The following STK10 variants were observed in gnomAD, a reference collection of about 807,000 sequenced individuals.
The protein encoded by STK10 is serine/threonine kinase 10, also known as serine/threonine-protein kinase 10.
Under a neutral mutation model 113.8 loss-of-function variants are expected in STK10, and 78 were observed. The observed-to-expected ratio is 0.69, with a 90% CI of 0.57 to 0.83. The LOEUF is 0.83. Among genes scored for constraint, STK10 ranks in the 40% least tolerant of loss-of-function variants. STK10 has a pLI of 0.00. For missense variants in STK10, 1,109 were observed against 1,280.1 expected (o/e 0.87, Z 2.04); for synonymous variants, 465 against 494.7 (o/e 0.94, Z 0.80).
chr5:172,185,524 C>A (rs1375119356), intron 1 of STK10, among the ~76,000 whole-genome samples: 1 of 152,222 alleles, frequency 6.6e-6, no homozygotes, highest in Non-Finnish European at 1.5e-5. Context: ...GCTTCAGCCT[C>A]CCAAAGTGCT....
At chr5:172,162,902 G>C (rs1399000865) in intron 1 of STK10, among the ~76,000 whole-genome samples, 1 of 152,186 alleles carries the variant, frequency 6.6e-6, no homozygotes, top group East Asian at 1.9e-4. Flanking sequence ...CATCCTGAAA[G>C]GCAGCACTGA....
intron 4 of STK10, among the ~76,000 whole-genome samples, chr5:172,108,920 C>T (rs973065765): frequency 6.6e-6 from 1 of 151,874 alleles, no homozygotes; most frequent in African/African-American, 2.4e-5. Context: ...AAGTAGATGA[C>T]ATTACAGGCA....
intron 1 of STK10, among the ~76,000 whole-genome samples, chr5:172,174,193 C>T (rs145040848): frequency 1.9e-4 from 29 of 151,946 alleles, no homozygotes; most frequent in Admixed American, 1.0e-3. Flanking sequence ...TTTTTTGAGA[C>T]GGCGTTTCAC....
At chr5:172,094,754 C>T (rs1043445424) in intron 8 of STK10, among the ~76,000 whole-genome samples, 1 of 152,160 alleles carries the variant, frequency 6.6e-6, no homozygotes, top group African/African-American at 2.4e-5. Context: ...TTTTAGGTGG[C>T]AACTAACTCA....
intron 18 of STK10, chr5:172,045,489 CAAAAACAA>C: frequency 4.5e-6 from 2 of 445,418 alleles, no homozygotes; most frequent in Non-Finnish European, 8.9e-6. Context: ...ATCTCAAAAA[CAAAAACAA>C]AAACAAAAAC....
chr5:172,146,799 C>T (rs1770096351), intron 2 of STK10, among the ~76,000 whole-genome samples: 1 of 152,252 alleles, frequency 6.6e-6, no homozygotes, highest in South Asian at 2.1e-4. Flanking sequence ...TCTGTTCTCA[C>T]ACCACAATCA....
intron 10 of STK10, among the ~76,000 whole-genome samples, chr5:172,085,811 C>T (rs1768545378): frequency 6.6e-6 from 1 of 152,146 alleles, no homozygotes; most frequent in African/African-American, 2.4e-5. Flanking sequence ...TCCTGGCGGC[C>T]TCTCAGGGTT....
At chr5:172,113,017 G>A (rs1302929286) in intron 4 of STK10, among the ~76,000 whole-genome samples, 1 of 152,200 alleles carries the variant, frequency 6.6e-6, no homozygotes, top group Non-Finnish European at 1.5e-5. Context: ...CAAAGTGCTA[G>A]GATTACAGGC....
At chr5:172,107,903 A>G in intron 4 of STK10, 51 bp from the exon 5 acceptor site, 1 of 1,568,920 alleles carries the variant, frequency 6.4e-7, no homozygotes, top group Non-Finnish European at 8.8e-7. Context: ...CCTGGGGTAA[A>G]AGCCGGGGAT....
chr5:172,110,059 C>T (rs926888163), intron 4 of STK10, among the ~76,000 whole-genome samples: 1 of 152,256 alleles, frequency 6.6e-6, no homozygotes, highest in African/African-American at 2.4e-5. Context: ...ACTGTCCACT[C>T]ACCCATTCAT....
At chr5:172,117,917 G>A (rs1157202571) in intron 3 of STK10, among the ~76,000 whole-genome samples, 1 of 150,722 alleles carries the variant, frequency 6.6e-6, no homozygotes, top group Non-Finnish European at 1.5e-5. Flanking sequence ...GGAGGTTGAG[G>A]CAGGAGAATT....
At chr5:172,104,205 C>A (rs574729000) in intron 7 of STK10, among the ~76,000 whole-genome samples, 2 of 152,226 alleles carry the variant, frequency 1.3e-5, no homozygotes, top group Non-Finnish European at 2.9e-5. Flanking sequence ...GGAGCCGACA[C>A]GGCAGTGAAA....
rs759800819 is a variant in STK10, at chr5:172,107,697, CCTCT to C, written c.593+79_593+82del. ...GGCGTGTAGCCCTTGTCTTCCGGCC[CCTCT>C]CTGTCTAAAGCGCCTGGTGGTCACC... On this transcript the variant is annotated intron_variant, in intron 5 of 18. Coordinates refer to ENST00000176763, the MANE Select transcript of STK10 (RefSeq NM_005990.4). 1,601 of 1,413,662 alleles carry C rather than the reference CCTCT, an allele frequency of 1.1e-3. 2 individuals are homozygous for C. The highest frequency in any genetic ancestry group is 1.5e-3 in the Non-Finnish European group (1,471 of 1,011,478). 87.6% of individuals were successfully genotyped at this position (1,413,662 alleles called of 1,614,324 possible).
Position 172,061,166 on chromosome 5 carries a change from G to A in STK10, c.2185C>T (p.Leu729Phe). 6.2e-7 allele frequency: 1 copy of A among 1,612,858 alleles called. No homozygotes were observed. The highest frequency in any genetic ancestry group is 8.5e-7 in the Non-Finnish European group (1 of 1,179,768). The change falls in exon 14 of 19, where the codon CTC becomes TTC. Residue 729 changes from leucine (L) to phenylalanine (F), a missense_variant. Physicochemically the swap from Leu to Phe is conservative, Grantham distance 22. Transcript: ENST00000176763. Reference sequence around the variant, plus strand: ...CGAAGGAGCTCCTGCTTCTTCATGAGGCACTCGCGCTCCTTGTCACAGATC... The same window carrying A: ...CGAAGGAGCTCCTGCTTCTTCATGAAGCACTCGCGCTCCTTGTCACAGATC... Reference protein sequence around the residue: ...REICDKERECLMKKQELLRDR... With the variant: ...REICDKERECFMKKQELLRDR...
Position 172,136,627 on chromosome 5 carries a change from A to G in STK10, c.322-9206T>C, listed in dbSNP as rs189178896. 2.6e-4 allele frequency among the ~76,000 whole-genome samples: 39 copies of G among 152,196 alleles called. No homozygotes were observed. The East Asian group carries it at 7.3e-3, about 29-fold the overall frequency. On this transcript the variant is annotated intron_variant, in intron 2 of 18. Transcript: ENST00000176763. ...AAATAAATAAATAAATAAATAAAGTAAAGAAGTGAAAGAATAGCTATTCCA... is the reference window on the plus strand; with the variant it reads ...AAATAAATAAATAAATAAATAAAGTGAAGAAGTGAAAGAATAGCTATTCCA...
At position 172,116,058 on chromosome 5, in the gene STK10, GTTGT is replaced by G. The variant is rs144598327; in HGVS notation, c.520+1419_520+1422del. Among the ~76,000 whole-genome samples the G allele has an allele frequency of 2.3e-3, 350 of 152,216 alleles. 3 individuals are homozygous for G. The highest frequency in any genetic ancestry group is 7.8e-3 in the African/African-American group (322 of 41,540). On this transcript the variant is annotated intron_variant, in intron 4 of 18. Transcript: ENST00000176763. ...ACTGTTTATTGAGCACCAACTATGT[GTTGT>G]TTGTTTTTTTGTTTTTGTTTTTGTT...
At chr5:172,181,291 CT>C (rs1770850185) in intron 1 of STK10, among the ~76,000 whole-genome samples, 1 of 152,264 alleles carries the variant, frequency 6.6e-6, no homozygotes, top group East Asian at 1.9e-4. Flanking sequence ...AGATTCTGAA[CT>C]TTTTTTAAAA....
At chr5:172,116,942 G>T (rs1385347781) in intron 4 of STK10, among the ~76,000 whole-genome samples, 1 of 152,018 alleles carries the variant, frequency 6.6e-6, no homozygotes, top group Non-Finnish European at 1.5e-5. Context: ...GGATGGAGCT[G>T]GGTCATCCCT....
chr5:172,124,259 C>T lies in STK10; in HGVS notation c.370+3114G>A, dbSNP rs542822270. ...TCATAACTCTTTAAAACTCCTGGAA[C>T]AAGCTGTGCCTGAAGCTAGCCATCC... On this transcript the variant is annotated intron_variant, in intron 3 of 18. Coordinates refer to ENST00000176763, the MANE Select transcript of STK10 (RefSeq NM_005990.4). Among the ~76,000 whole-genome samples, 9 of 152,274 alleles carry T rather than the reference C, an allele frequency of 5.9e-5. No homozygotes were observed. In the East Asian group the frequency reaches 1.7e-3, roughly 29 times the overall value.
Sources: allele counts gnomAD v4.1 joint callset (sites outside exome capture counted in the v4.1 genomes callset), GRCh38; gene constraint gnomAD v4.1.1; transcripts MANE v1.5; gene names NCBI Gene and HGNC (gene_info 2026-07-23, HGNC 2026-07-21).